The following TULP3 variants were observed in gnomAD, a reference collection of about 807,000 sequenced individuals.
TULP3 encodes tubby-related protein 3.
Under a neutral mutation model 50.7 loss-of-function variants are expected in TULP3, and 38 were observed. The observed-to-expected ratio is 0.75, with a 90% CI of 0.58 to 0.98. TULP3 has a LOEUF of 0.98. TULP3 is among the 50% of genes least tolerant of loss of function. The probability of loss-of-function intolerance (pLI) is 0.00; values close to 1 mark genes in which losing one functional copy is unlikely to be tolerated. For synonymous variants in TULP3, 183 were observed against 196.6 expected, an observed-to-expected ratio of 0.93 and a Z score of 0.58; for missense variants, 550 against 568.0, an observed-to-expected ratio of 0.97 and a Z score of 0.32.
At position 2,940,855 on chromosome 12, in the gene TULP3, C is replaced by A; in HGVS notation, c.*1411C>A. ...ACCAAGTGCCTCCCTCACAGCCATG[C>A]CCAGAAGCCTCACACCTCGTCACCA... On this transcript the variant is annotated 3_prime_UTR_variant, in exon 11 of 11. Transcript: ENST00000448120. 2.4e-6 allele frequency: 2 copies of A among 833,232 alleles called. No individual in the cohort carries two copies. The highest frequency in any genetic ancestry group is 2.9e-5 in the Admixed American group (1 of 34,496). 51.6% of individuals were successfully genotyped at this position (833,232 alleles called of 1,614,324 possible).
intron 8 of TULP3, among the ~76,000 whole-genome samples, chr12:2,935,674 T>C (rs2098200772): frequency 6.6e-6 from 1 of 152,160 alleles, no homozygotes; most frequent in Admixed American, 6.5e-5. Flanking sequence ...AGCTTTCATA[T>C]ATAATCTGCT....
intron 1 of TULP3, among the ~76,000 whole-genome samples, chr12:2,892,789 C>T (rs1383724311): frequency 6.6e-6 from 1 of 152,076 alleles, no homozygotes; most frequent in Non-Finnish European, 1.5e-5. Flanking sequence ...GGATTACAGG[C>T]GTGAGCCACT....
intron 2 of TULP3, among the ~76,000 whole-genome samples, chr12:2,911,653 C>A (rs2098185685): frequency 1.6e-5 from 2 of 124,840 alleles, no homozygotes; most frequent in Admixed American, 9.1e-5. Context: ...GCGTGAGCCA[C>A]TGCGCCCAGC....
chr12:2,927,693 G>T (rs1432055902), intron 4 of TULP3, among the ~76,000 whole-genome samples: 5 of 151,896 alleles, frequency 3.3e-5, no homozygotes, highest in African/African-American at 1.2e-4. Flanking sequence ...TCTTATCCTT[G>T]TGTTCTTCAG....
At chr12:2,903,198 T>C (rs1165113784) in intron 1 of TULP3, among the ~76,000 whole-genome samples, 1 of 151,380 alleles carries the variant, frequency 6.6e-6, no homozygotes, top group Non-Finnish European at 1.5e-5. Context: ...TCCACAACAA[T>C]GAAAAAAAAA....
chr12:2,891,989 G>A (rs943105394), intron 1 of TULP3, among the ~76,000 whole-genome samples: 1 of 152,106 alleles, frequency 6.6e-6, no homozygotes, highest in Admixed American at 6.6e-5. Flanking sequence ...GAGAGACTGA[G>A]GAGGGAGGAT....
At chr12:2,891,163 G>A (rs1411777231) in intron 1 of TULP3, among the ~76,000 whole-genome samples, 175 bp downstream of exon 1, 1 of 152,182 alleles carries the variant, frequency 6.6e-6, no homozygotes, top group Non-Finnish European at 1.5e-5. Context: ...CCCGTGTGGG[G>A]ACCCCTTTCT....
At chr12:2,917,338 GGGGTGC>G (rs2098189171) in intron 2 of TULP3, among the ~76,000 whole-genome samples, 2 of 152,160 alleles carry the variant, frequency 1.3e-5, no homozygotes, top group South Asian at 4.1e-4. Flanking sequence ...TGGGCATGGT[GGGGTGC>G]ACCTGTAATC....
chr12:2,909,621 A>T, intron 2 of TULP3, 41 bp downstream of exon 2: 1 of 1,560,266 alleles, frequency 6.4e-7, no homozygotes, highest in Non-Finnish European at 8.7e-7. Context: ...GGCCAACTAT[A>T]CTGACCGTGA....
chr12:2,901,309 TTTC>T (rs372740142), intron 1 of TULP3, among the ~76,000 whole-genome samples: 48 of 133,822 alleles, frequency 3.6e-4, no homozygotes, highest in Non-Finnish European at 5.3e-4. Flanking sequence ...TCTTTCTTTC[TTTC>T]TTTTTTTTTT....
In TULP3 at chr12:2,903,555, T is replaced by C. The variant is rs1398818415; in HGVS notation, c.42-5974T>C. Among the ~76,000 whole-genome samples, 10 of 124,044 alleles carry C rather than the reference T, an allele frequency of 8.1e-5. No individual in the cohort carries two copies. The East Asian group carries it at 2.2e-3, about 28-fold the overall frequency. The allele number at this position is 124,044 out of a possible 152,430, so 81.4% of individuals were successfully genotyped here. On this transcript the variant is annotated intron_variant, in intron 1 of 10. Coordinates refer to ENST00000448120, the MANE Select transcript of TULP3 (RefSeq NM_003324.5). ...GCAGCCTGGGCAACAAGCGCGAGAC[T>C]CTATCTCAAAAAAAAAAAAAAGAAA...
chr12:2,913,199 GTT>G (rs200372555), intron 2 of TULP3, among the ~76,000 whole-genome samples: 191 of 120,404 alleles, frequency 1.6e-3, no homozygotes, highest in African/African-American at 6.0e-3. Flanking sequence ...ATTATGTTGA[GTT>G]TGTGTGTGTG....
chr12:2,913,085 A>G (rs1489958917), intron 2 of TULP3, among the ~76,000 whole-genome samples: 3 of 149,028 alleles, frequency 2.0e-5, no homozygotes, highest in African/African-American at 7.5e-5. Flanking sequence ...GTTTTTCCAC[A>G]TTCTTACCAA....
At chr12:2,926,183 G>T (rs1306252786) in intron 4 of TULP3, among the ~76,000 whole-genome samples, 1 of 152,166 alleles carries the variant, frequency 6.6e-6, no homozygotes, top group Non-Finnish European at 1.5e-5. Context: ...TATCTCAGGA[G>T]TTTCTGCCTT....
At position 2,921,041 on chromosome 12, in the gene TULP3, C is replaced by T. The variant is rs931118844; in HGVS notation, c.253+119C>T. The T allele has an allele frequency of 5.1e-6, 6 of 1,179,672 alleles. No homozygotes were observed. In the East Asian group the frequency reaches 1.4e-4, roughly 28 times the overall value. The allele number at this position is 1,179,672 out of a possible 1,614,324, so 73.1% of individuals were successfully genotyped here. A position where few individuals can be genotyped will look rare whatever the true frequency, so the allele number is the denominator to read the frequency against. Reference sequence around the variant, plus strand: ...TATTAGCACCATTACTAGGTACCTTCATAAATCTTTATAATCACATTTGGG... The same window carrying T: ...TATTAGCACCATTACTAGGTACCTTTATAAATCTTTATAATCACATTTGGG... On this transcript the variant is annotated intron_variant, in intron 3 of 10. Transcript: ENST00000448120.
At chr12:2,922,549 T>A in intron 4 of TULP3, 147 bp downstream of exon 4, 1 of 945,996 alleles carries the variant, frequency 1.1e-6, no homozygotes, top group Non-Finnish European at 1.5e-6. Context: ...TAGCATCTTT[T>A]ACATCTGAAT....
chr12:2,909,616 A>C (rs202060113), intron 2 of TULP3, 36 bp downstream of exon 2: 3 of 1,568,732 alleles, frequency 1.9e-6, no homozygotes. Flanking sequence ...TAGGTGGCCA[A>C]CTATACTGAC....
At chr12:2,902,677 T>G (rs2098179909) in intron 1 of TULP3, among the ~76,000 whole-genome samples, 1 of 152,148 alleles carries the variant, frequency 6.6e-6, no homozygotes, top group Admixed American at 6.5e-5. Flanking sequence ...ATTCAGTGCT[T>G]CAAAGTACTT....
chr12:2,909,810 T>C (rs1183404814), intron 2 of TULP3, among the ~76,000 whole-genome samples: 1 of 152,214 alleles, frequency 6.6e-6, no homozygotes, highest in Admixed American at 6.5e-5. Flanking sequence ...GGCCTTGGAT[T>C]TACAATCACC....
Sources: gnomAD v4.1 joint callset for allele counts (sites outside exome capture counted in the v4.1 genomes callset) on GRCh38, gnomAD v4.1.1 for gene constraint, MANE v1.5 for transcripts, NCBI Gene and HGNC (gene_info 2026-07-23, HGNC 2026-07-21) for gene names.